Variants in IL15 observed in about 807,000 individuals in gnomAD.
IL15 encodes the protein interleukin-15.
IL15 carries 11 observed loss-of-function variants against 19.6 expected under a neutral mutation model. The ratio of observed to expected loss-of-function variants is 0.56; its 90% CI spans 0.35 to 0.93. The LOEUF is 0.93. Among genes scored for constraint, IL15 ranks in the 40% least tolerant of loss-of-function variants. IL15 has a pLI of 0.01. For synonymous variants in IL15, 58 were observed against 59.6 expected (o/e 0.97, Z 0.12); for missense variants, 197 against 186.5 (o/e 1.06, Z -0.33).
chr4:141,687,751 CTT>C (rs1210646409), intron 2 of IL15, among the ~76,000 whole-genome samples: 1 of 152,034 alleles, frequency 6.6e-6, no homozygotes, highest in Non-Finnish European at 1.5e-5. Context: ...TGTTTCTCCT[CTT>C]TATTCCAAAC....
intron 2 of IL15, among the ~76,000 whole-genome samples, chr4:141,709,415 G>A (rs991051644): frequency 6.6e-6 from 1 of 152,146 alleles, no homozygotes; most frequent in Admixed American, 6.5e-5. Context: ...CCTAGGCATT[G>A]GTTTGCTGGA....
chr4:141,715,240 G>C (rs572253076), intron 2 of IL15: 4 of 152,598 alleles, frequency 2.6e-5, no homozygotes, highest in African/African-American at 9.6e-5. Context: ...AGCAGATTCA[G>C]GTCCTCCTCT....
chr4:141,655,357 G>A (rs1022781903), intron 1 of IL15, among the ~76,000 whole-genome samples: 1 of 151,528 alleles, frequency 6.6e-6, no homozygotes, highest in African/African-American at 2.4e-5. Flanking sequence ...CAAACATGAT[G>A]CAGAGAAAAA....
In IL15 at chr4:141,732,649, G is replaced by T. The variant is rs1730487476; in HGVS notation, c.379-89G>T. 8 of 1,516,626 alleles carry T rather than the reference G, an allele frequency of 5.3e-6. 1 individual carries two copies. The South Asian group carries it at 1.0e-4, about 19-fold the overall frequency. 93.9% of individuals were successfully genotyped at this position (1,516,626 alleles called of 1,614,324 possible). A position where few individuals can be genotyped will look rare whatever the true frequency, so the allele number is the denominator to read the frequency against. ...TTCATATCTCAAGACCTCACCATAT[G>T]GTTCAAACGATATGATATTCCCATT... On this transcript the variant is annotated intron_variant, in intron 7 of 7. Transcript: ENST00000320650.
intron 2 of IL15, among the ~76,000 whole-genome samples, chr4:141,671,056 T>A (rs1380241789): frequency 6.6e-6 from 1 of 152,166 alleles, no homozygotes; most frequent in Admixed American, 6.5e-5. Context: ...CATTCATCCA[T>A]CCGTCTAACA....
intron 2 of IL15, among the ~76,000 whole-genome samples, chr4:141,674,420 A>G (rs1272591201): frequency 6.6e-6 from 1 of 151,992 alleles, no homozygotes; most frequent in Non-Finnish European, 1.5e-5. Context: ...GAAATATAAA[A>G]TGTGTCAATA....
chr4:141,641,153 A>G (rs951762611), intron 1 of IL15, among the ~76,000 whole-genome samples: 9 of 152,208 alleles, frequency 5.9e-5, no homozygotes, highest in African/African-American at 9.7e-5. Context: ...TTCTTAATTG[A>G]ACATTTTACT....
intron 2 of IL15, among the ~76,000 whole-genome samples, chr4:141,712,624 T>C (rs1729749609): frequency 6.8e-6 from 1 of 148,082 alleles, no homozygotes; most frequent in African/African-American, 2.5e-5. Context: ...TTTAAATATA[T>C]ATTAAATATT....
At chr4:141,664,342 A>AACACAC (rs35153516) in intron 2 of IL15, among the ~76,000 whole-genome samples, 8,130 of 130,862 alleles carry the variant, frequency 0.062, 328 homozygotes, top group African/African-American at 0.12. Context: ...TGGTGGGCAA[A>AACACAC]ACACACACAC....
intron 1 of IL15, among the ~76,000 whole-genome samples, chr4:141,639,456 G>A (rs113387363): frequency 4.3e-4 from 66 of 152,150 alleles, no homozygotes; most frequent in African/African-American, 1.5e-3. Context: ...TTCCTTTATG[G>A]TCCCTGAATG....
intron 2 of IL15, among the ~76,000 whole-genome samples, chr4:141,685,106 C>T (rs533848116): frequency 2.6e-5 from 4 of 152,084 alleles, no homozygotes; most frequent in African/African-American, 4.8e-5. Flanking sequence ...CTGTCATGTA[C>T]GTTGCGATGT....
intron 2 of IL15, among the ~76,000 whole-genome samples, chr4:141,660,781 T>C (rs965743990): frequency 2.0e-5 from 3 of 152,224 alleles, no homozygotes; most frequent in African/African-American, 4.8e-5. Context: ...TCAGTGATTA[T>C]ATTTTTGAAT....
chr4:141,669,056 TATC>T (rs1310780787), intron 2 of IL15, among the ~76,000 whole-genome samples: 1 of 152,244 alleles, frequency 6.6e-6, no homozygotes, highest in Non-Finnish European at 1.5e-5. Flanking sequence ...GGGATTATTT[TATC>T]ATCATTTTAT....
intron 2 of IL15, among the ~76,000 whole-genome samples, chr4:141,708,895 A>T (rs1177560650): frequency 1.3e-5 from 2 of 152,092 alleles, no homozygotes; most frequent in African/African-American, 4.8e-5. Context: ...AATTATGTGC[A>T]ATTTCCAGAT....
At chr4:141,715,693 T>C (rs1407185609) in intron 2 of IL15, 1 of 152,182 alleles carries the variant, frequency 6.6e-6, no homozygotes, top group Non-Finnish European at 1.5e-5. Flanking sequence ...TATATTCTAT[T>C]CAGTCTCGGC....
At chr4:141,679,187 C>T (rs1368604302) in intron 2 of IL15, among the ~76,000 whole-genome samples, 1 of 152,294 alleles carries the variant, frequency 6.6e-6, no homozygotes, top group East Asian at 1.9e-4. Flanking sequence ...GGACAAGTCA[C>T]TAGATACAGC....
chr4:141,648,652 G>C (rs1435442090), intron 1 of IL15, among the ~76,000 whole-genome samples: 1 of 152,014 alleles, frequency 6.6e-6, no homozygotes, highest in Non-Finnish European at 1.5e-5. Context: ...ATTAAAATCT[G>C]TATTTGGTAT....
At chr4:141,704,395 C>A (rs1729437040) in intron 2 of IL15, among the ~76,000 whole-genome samples, 1 of 151,954 alleles carries the variant, frequency 6.6e-6, no homozygotes, top group African/African-American at 2.4e-5. Context: ...GGGATGAATC[C>A]CACTTAATCA....
At chr4:141,726,025 C>T (rs1314625431) in intron 5 of IL15, among the ~76,000 whole-genome samples, 1 of 152,044 alleles carries the variant, frequency 6.6e-6, no homozygotes, top group East Asian at 1.9e-4. Flanking sequence ...TCTTATAAAA[C>T]TACCGGTTCC....
Sources: gnomAD v4.1 joint callset for allele counts (sites outside exome capture counted in the v4.1 genomes callset) on GRCh38, gnomAD v4.1.1 for gene constraint, MANE v1.5 for transcripts, NCBI Gene and HGNC (gene_info 2026-07-23, HGNC 2026-07-21) for gene names.